The following ATP8A2 variants were observed in gnomAD, a reference collection of about 807,000 sequenced individuals.
ATP8A2 encodes ATPase phospholipid transporting 8A2, also known as phospholipid-transporting ATPase IB.
ATP8A2 carries 100 observed loss-of-function variants against 165.6 expected under a neutral mutation model. That is an observed-to-expected ratio of 0.60 (90% CI 0.51 to 0.71). The LOEUF is 0.71. ATP8A2 is among the 30% of genes least tolerant of loss of function. The pLI, the probability that ATP8A2 is intolerant of heterozygous loss-of-function variation, is 0.00. For synonymous variants in ATP8A2, 543 were observed against 548.8 expected (o/e 0.99, Z 0.15); for missense variants, 1,227 against 1,479.5 (o/e 0.83, Z 2.80).
intron 33 of ATP8A2, among the ~76,000 whole-genome samples, chr13:25,874,451 C>T (rs565090936): frequency 6.6e-5 from 10 of 152,316 alleles, no homozygotes; most frequent in South Asian, 4.1e-4. Flanking sequence ...GTTTACCTTT[C>T]GCTTGTTGTA....
At chr13:25,773,958 C>T (rs2044682911) in intron 26 of ATP8A2, among the ~76,000 whole-genome samples, 1 of 152,026 alleles carries the variant, frequency 6.6e-6, no homozygotes. Context: ...GTATGTGCAC[C>T]TGTGTGTACT....
intron 35 of ATP8A2, among the ~76,000 whole-genome samples, chr13:25,995,354 G>T (rs1956475204): frequency 6.6e-6 from 1 of 150,638 alleles, no homozygotes; most frequent in African/African-American, 2.4e-5. Context: ...CCTTCTGCTT[G>T]CTTTGGGTTT....
At chr13:25,626,163 G>T (rs1188117671) in intron 24 of ATP8A2, among the ~76,000 whole-genome samples, 1 of 152,168 alleles carries the variant, frequency 6.6e-6, no homozygotes, top group African/African-American at 2.4e-5. Flanking sequence ...GGGAATACAC[G>T]ATTAGAAAGG....
At chr13:25,967,110 A>C (rs1369627936) in intron 34 of ATP8A2, among the ~76,000 whole-genome samples, 1 of 152,106 alleles carries the variant, frequency 6.6e-6, no homozygotes, top group Non-Finnish European at 1.5e-5. Flanking sequence ...GGGGCCCCAC[A>C]TGTTACATAA....
intron 2 of ATP8A2, among the ~76,000 whole-genome samples, chr13:25,500,461 A>G (rs1287545402): frequency 1.3e-5 from 2 of 152,250 alleles, no homozygotes; most frequent in East Asian, 3.8e-4. Flanking sequence ...CAGTGCAGAC[A>G]GGGATTATCT....
At chr13:25,636,690 T>G (rs1302966017) in intron 24 of ATP8A2, among the ~76,000 whole-genome samples, 1 of 152,178 alleles carries the variant, frequency 6.6e-6, no homozygotes, top group African/African-American at 2.4e-5. Flanking sequence ...CCTTCACTCC[T>G]GTTCTGAATT....
chr13:25,975,539 G>A (rs1403951617), intron 35 of ATP8A2, among the ~76,000 whole-genome samples: 8 of 151,740 alleles, frequency 5.3e-5, no homozygotes, highest in Admixed American at 3.9e-4. Context: ...CCGAGATCGC[G>A]CCACTGCACT....
At chr13:25,411,775 G>A (rs752090299) in intron 1 of ATP8A2, among the ~76,000 whole-genome samples, 2 of 152,178 alleles carry the variant, frequency 1.3e-5, no homozygotes, top group East Asian at 3.8e-4. Context: ...ACACATAACT[G>A]TGAGTGCAAT....
intron 35 of ATP8A2, among the ~76,000 whole-genome samples, chr13:26,005,955 T>C (rs1956728377): frequency 6.6e-6 from 1 of 152,058 alleles, no homozygotes; most frequent in Non-Finnish European, 1.5e-5. Flanking sequence ...TCTATGACTT[T>C]GTTCTTTTTT....
At chr13:26,018,472 G>A (rs368650114) in intron 36 of ATP8A2, among the ~76,000 whole-genome samples, 17 of 152,202 alleles carry the variant, frequency 1.1e-4, no homozygotes, top group Admixed American at 2.0e-4. Flanking sequence ...CTTTTAAAGA[G>A]TATGACAGTG....
At chr13:25,948,457 G>A (rs533708038) in intron 33 of ATP8A2, among the ~76,000 whole-genome samples, 41 of 152,262 alleles carry the variant, frequency 2.7e-4, no homozygotes, top group African/African-American at 8.4e-4. Flanking sequence ...ATTTTACAGA[G>A]GACAAAACTG....
chr13:25,834,034 A>G (rs1951545289), intron 28 of ATP8A2, among the ~76,000 whole-genome samples: 2 of 152,242 alleles, frequency 1.3e-5, no homozygotes, highest in Admixed American at 6.5e-5. Flanking sequence ...CAGCAAATGT[A>G]TGAAAACCTG....
At chr13:25,965,426 G>A (rs752117739) in intron 34 of ATP8A2, among the ~76,000 whole-genome samples, 12 of 152,248 alleles carry the variant, frequency 7.9e-5, no homozygotes, top group Non-Finnish European at 1.2e-4. Flanking sequence ...GATTTGGCAC[G>A]CCATAAAATG....
At chr13:25,562,530 A>C (rs2039188452) in intron 15 of ATP8A2, among the ~76,000 whole-genome samples, 2 of 152,164 alleles carry the variant, frequency 1.3e-5, no homozygotes, top group South Asian at 4.1e-4. Flanking sequence ...AGGGATCCCT[A>C]GATGTCAGTG....
Position 25,553,991 on chromosome 13 carries a change from A to G in ATP8A2, c.1185+71A>G, listed in dbSNP as rs7332442. The G allele has an allele frequency of 0.64, 939,418 of 1,472,610 alleles. 309,133 individuals are homozygous for G. The highest frequency in any genetic ancestry group is 0.72 in the African/African-American group (50,597 of 70,594). The allele number at this position is 1,472,610 out of a possible 1,614,324, so 91.2% of individuals were successfully genotyped here. On this transcript the variant is annotated intron_variant, in intron 12 of 36. Coordinates refer to ENST00000381655, the MANE Select transcript of ATP8A2 (RefSeq NM_016529.6). ...CAGAGCCTTTGGCATTTAATTGAGC[A>G]CTCAAAAAAGAAGAACTATATTCAT...
intron 25 of ATP8A2, among the ~76,000 whole-genome samples, chr13:25,700,020 G>A (rs2042918620): frequency 6.6e-6 from 1 of 152,178 alleles, no homozygotes; most frequent in Admixed American, 6.5e-5. Context: ...GGCTAGTGGA[G>A]CATCAGTAGT....
chr13:25,401,074 C>T (rs781155671), intron 1 of ATP8A2, among the ~76,000 whole-genome samples: 1 of 152,092 alleles, frequency 6.6e-6, no homozygotes, highest in African/African-American at 2.4e-5. Context: ...CTGCCAGGCA[C>T]TCTGGGTTTA....
chr13:25,555,508 C>A (rs751142272), intron 13 of ATP8A2, among the ~76,000 whole-genome samples: 6 of 152,164 alleles, frequency 3.9e-5, no homozygotes, highest in Non-Finnish European at 8.8e-5. Context: ...AGTATCTTTT[C>A]CACCTTTACC....
intron 23 of ATP8A2, among the ~76,000 whole-genome samples, chr13:25,583,298 T>C (rs2039827003): frequency 6.6e-6 from 1 of 152,212 alleles, no homozygotes; most frequent in African/African-American, 2.4e-5. Context: ...CCCTGTTGTT[T>C]GCATGCTAAG....
Sources: gnomAD v4.1 joint callset for allele counts (sites outside exome capture counted in the v4.1 genomes callset) on GRCh38, gnomAD v4.1.1 for gene constraint, MANE v1.5 for transcripts, NCBI Gene and HGNC (gene_info 2026-07-23, HGNC 2026-07-21) for gene names.